The following ATP5IF1 variants were observed in gnomAD, a reference collection of about 807,000 sequenced individuals.
ATP5IF1 encodes ATPase inhibitor, mitochondrial.
In ATP5IF1, 12 loss-of-function variants were observed where a neutral mutation model predicts 8.5. The ratio of observed to expected loss-of-function variants is 1.41; its 90% CI spans 0.90 to 2.28. ATP5IF1 has a LOEUF of 2.28. Among genes scored for constraint, ATP5IF1 ranks in the 30% most tolerant of loss-of-function variants. The pLI is 0.00. For synonymous variants in ATP5IF1, 51 were observed against 53.4 expected (o/e 0.96, Z 0.19); for missense variants, 154 against 140.2 (o/e 1.10, Z -0.50).
Position 28,236,282 on chromosome 1 carries a change from C to T in ATP5IF1, c.87+12C>T. ...TCGGCTCGGATCAGGTACGCTGCGG[C>T]AGTGTCCGCTGCTCCAGCCCCGCGG... On this transcript the variant is annotated intron_variant, in intron 1 of 2. Coordinates refer to ENST00000335514, the MANE Select transcript of ATP5IF1 (RefSeq NM_016311.5). 1.9e-6 allele frequency: 3 copies of T among 1,614,180 alleles called. No individual in the cohort carries two copies. The highest frequency in any genetic ancestry group is 1.7e-5 in the Admixed American group (1 of 60,024).
At position 28,236,228 on chromosome 1, in the gene ATP5IF1, G is replaced by A. The variant is rs765889493; in HGVS notation, c.45G>A (p.Trp15Ter). 1.9e-6 allele frequency: 3 copies of A among 1,613,902 alleles called. No homozygotes were observed. In the South Asian group the frequency reaches 3.3e-5, roughly 18 times the overall value. ...ALAARTWLGV[W>*]GVRTMQARGF... The stretch of plus-strand genomic sequence containing the variant: ...CGGCGCGGACGTGGCTTGGCGTGTG[G>A]GGCGTGAGGACCATGCAAGCCCGAG... Residue 15 changes from tryptophan to a stop codon, truncating the protein, a stop_gained, in exon 1 of 3, where the codon TGG (tryptophan) becomes TGA (stop). Transcript: ENST00000335514. LOFTEE classifies it high-confidence loss of function.
rs1341421435 is a variant in ATP5IF1 at position 28,236,381 on chromosome 1, C to A, written c.108C>A (p.Gly36=). ...GSDQSENVDR[G]AGSIREAGGA... ...TGCAGTCCGAGAATGTCGACCGGGG[C>A]GCGGGCTCCATCCGGGAAGCCGGTG... Residue 36 remains glycine (G), a synonymous_variant, in exon 2 of 3, where the codon GGC becomes GGA. Coordinates refer to ENST00000335514, the MANE Select transcript of ATP5IF1 (RefSeq NM_016311.5). 3.7e-6 allele frequency: 6 copies of A among 1,614,224 alleles called. No individual in the cohort carries two copies. The highest frequency in any genetic ancestry group is 5.1e-6 in the Non-Finnish European group (6 of 1,180,036).
At chr1:28,237,763 A>G (rs1185008493) in intron 2 of ATP5IF1, 74 bp from the exon 3 acceptor site, 1 of 1,614,140 alleles carries the variant, frequency 6.2e-7, no homozygotes, top group East Asian at 2.2e-5. Context: ...TTGCTTAGAC[A>G]TTACAGGTTA....
At position 28,236,378 on chromosome 1, in the gene ATP5IF1, G is replaced by C. The variant is rs748048052; in HGVS notation, c.105G>C (p.Arg35=). ...FGSDQSENVD[R]GAGSIREAGG... ...CTCTGCAGTCCGAGAATGTCGACCG[G>C]GGCGCGGGCTCCATCCGGGAAGCCG... The change falls in exon 2 of 3, where the codon CGG becomes CGC. Residue 35 remains arginine, a synonymous_variant. Transcript: ENST00000335514. The C allele has an allele frequency of 6.2e-7, 1 of 1,614,228 alleles. No homozygotes were observed. Among genetic ancestry groups the C allele is most frequent in the Admixed American group, 1.7e-5 (1 of 60,034 alleles).
intron 2 of ATP5IF1, 179 bp downstream of exon 2, chr1:28,236,631 A>C: frequency 6.6e-7 from 1 of 1,514,484 alleles, no homozygotes; most frequent in Non-Finnish European, 8.8e-7. Context: ...TGCCACGTAT[A>C]GGGCACTCCC....
In ATP5IF1 at chr1:28,236,421, A is replaced by G. The variant is rs1172470953; in HGVS notation, c.148A>G (p.Arg50Gly). ...IREAGGAFGK[R>G]EQAEEERYFR... ...GGAAGCCGGTGGGGCCTTCGGAAAG[A>G]GAGAGCAGGCTGAAGAGGAACGATA... The change falls in exon 2 of 3, where the codon AGA becomes GGA. Residue 50 changes from arginine (R) to glycine (G), a missense_variant. Arg to Gly is a moderately radical substitution (Grantham distance 125). Transcript: ENST00000335514. The G allele has an allele frequency of 1.2e-6, 2 of 1,614,234 alleles. No homozygotes were observed. The highest frequency in any genetic ancestry group is 3.3e-5 in the Admixed American group (2 of 60,022).
intron 2 of ATP5IF1, chr1:28,237,326 C>A: frequency 9.9e-7 from 1 of 1,007,072 alleles, no homozygotes; most frequent in Middle Eastern, 5.1e-4. Flanking sequence ...GTGACCAAAC[C>A]AACATTGTAA....
At chr1:28,236,801 C>T (rs1647041090) in intron 2 of ATP5IF1, 19 of 1,218,466 alleles carry the variant, frequency 1.6e-5, no homozygotes, top group East Asian at 5.0e-5. Flanking sequence ...GTGTCTAGAT[C>T]CGACCGCCCA....
In ATP5IF1 at chr1:28,236,203, C is replaced by T. The variant is rs75742534; in HGVS notation, c.20C>T (p.Ala7Val). ...GCAGCAATGGCAGTGACGGCGTTGG[C>T]GGCGCGGACGTGGCTTGGCGTGTGG... is the stretch of plus-strand genomic sequence containing the variant. MAVTALAARTWLGVWGV... is the reference protein window; with the variant it reads MAVTALVARTWLGVWGV... Residue 7 changes from alanine (A) to valine (V), a missense_variant, in exon 1 of 3, where the codon GCG becomes GTG. Coordinates refer to ENST00000335514, the MANE Select transcript of ATP5IF1 (RefSeq NM_016311.5). 6.2e-7 allele frequency: 1 copy of T among 1,613,420 alleles called. No homozygotes were observed. The highest frequency in any genetic ancestry group is 1.7e-5 in the Admixed American group (1 of 59,988).
In ATP5IF1 at chr1:28,236,355, C is replaced by A. The variant is rs757499538; in HGVS notation, c.88-6C>A. 1.9e-6 allele frequency: 3 copies of A among 1,614,244 alleles called. No homozygotes were observed. The highest frequency in any genetic ancestry group is 3.3e-5 in the Admixed American group (2 of 60,034). ...TACCTTTACCAGTGTCCCTGTCTCT[C>A]TGCAGTCCGAGAATGTCGACCGGGG... On this transcript the variant is annotated splice_polypyrimidine_tract_variant and splice_region_variant and intron_variant, in intron 1 of 2. Coordinates refer to ENST00000335514, the MANE Select transcript of ATP5IF1 (RefSeq NM_016311.5).
Position 28,236,363 on chromosome 1 carries a change from CGA to C in ATP5IF1, c.93_94del (p.Asn32CysfsTer22). The C allele has an allele frequency of 1.9e-6, 3 of 1,614,222 alleles. No homozygotes were observed. The highest frequency in any genetic ancestry group is 2.5e-6 in the Non-Finnish European group (3 of 1,180,044). On this transcript the variant is annotated frameshift_variant, in exon 2 of 3. Coordinates refer to ENST00000335514, the MANE Select transcript of ATP5IF1 (RefSeq NM_016311.5). LOFTEE classifies it high-confidence loss of function. Reference sequence around the variant, plus strand: ...CCAGTGTCCCTGTCTCTCTGCAGTCCGAGAATGTCGACCGGGGCGCGGGCTCC... The same window carrying C: ...CCAGTGTCCCTGTCTCTCTGCAGTCCGAATGTCGACCGGGGCGCGGGCTCC... ...QARGFGSDQS[E>X]NVDRGAGSIR...
intron 2 of ATP5IF1, chr1:28,236,850 A>C (rs922936733): frequency 2.7e-5 from 31 of 1,156,666 alleles, no homozygotes; most frequent in Non-Finnish European, 3.2e-5. Flanking sequence ...GCCCTTACCC[A>C]CCTGTCACCC....
At position 28,236,647 on chromosome 1, in the gene ATP5IF1, C is replaced by T. The variant is rs76250453; in HGVS notation, c.179+195C>T. 1.1e-3 allele frequency: 1,651 copies of T among 1,491,726 alleles called. 17 individuals are homozygous for T. The African/African-American group carries it at 0.02, about 18-fold the overall frequency. The allele number at this position is 1,491,726 out of a possible 1,614,324, so 92.4% of individuals were successfully genotyped here. A position where few individuals can be genotyped will look rare whatever the true frequency, so the allele number is the denominator to read the frequency against. On this transcript the variant is annotated intron_variant, in intron 2 of 2. Transcript: ENST00000335514. ...GCCACGTATAGGGCACTCCCAGTTA[C>T]CTGCACAACAGTTTCAGGCCCCCAA... is the stretch of plus-strand genomic sequence containing the variant.
chr1:28,236,200 T>C lies in ATP5IF1; in HGVS notation c.17T>C (p.Leu6Ser), dbSNP rs139508352. 8 of 1,613,516 alleles carry C rather than the reference T, an allele frequency of 5.0e-6. No individual in the cohort carries two copies. The African/African-American group carries it at 9.3e-5, about 19-fold the overall frequency. MAVTA[L>S]AARTWLGVWG... ...CCAGCAGCAATGGCAGTGACGGCGT[T>C]GGCGGCGCGGACGTGGCTTGGCGTG... The change falls in exon 1 of 3, where the codon TTG (leucine) becomes TCG (serine). Residue 6 changes from leucine to serine, a missense_variant. Physicochemically the swap from Leu to Ser is moderately radical, Grantham distance 145. Coordinates refer to ENST00000335514, the MANE Select transcript of ATP5IF1 (RefSeq NM_016311.5).
At chr1:28,237,624 T>C (rs1647049957) in intron 2 of ATP5IF1, 3 of 1,474,112 alleles carry the variant, frequency 2.0e-6, no homozygotes, top group South Asian at 1.4e-5. Context: ...AAGAGGAATC[T>C]GAAAGCAATA....
chr1:28,236,133 C>T lies in ATP5IF1; in HGVS notation c.-51C>T, dbSNP rs747486253. ...GGCCGTCCCTGCCATTAGCGCGTAA[C>T]GAGAGACTGCTTGCTGCGGCAGAGA... On this transcript the variant is annotated 5_prime_UTR_variant, in exon 1 of 3. The change creates a new upstream start codon in the 5' untranslated region. Transcript: ENST00000335514. The T allele has an allele frequency of 1.9e-6, 3 of 1,601,072 alleles. No individual in the cohort carries two copies. The highest frequency in any genetic ancestry group is 2.5e-6 in the Non-Finnish European group (3 of 1,176,860).
At chr1:28,237,748 A>G in intron 2 of ATP5IF1, 89 bp from the exon 3 acceptor site, 1 of 1,613,986 alleles carries the variant, frequency 6.2e-7, no homozygotes. Flanking sequence ...TGGAACTCCT[A>G]TTCCTTGCTT....
At chr1:28,237,341 G>C in intron 2 of ATP5IF1, 1 of 1,015,054 alleles carries the variant, frequency 9.9e-7, no homozygotes, top group Non-Finnish European at 1.2e-6. Flanking sequence ...TTGTAATCCA[G>C]TCCCTTCTTG....
rs1647048348 is a variant in ATP5IF1, at chr1:28,237,439, A to G, written c.180-398A>G. 2.6e-6 allele frequency: 3 copies of G among 1,149,494 alleles called. No individual in the cohort carries two copies. In the Admixed American group the frequency reaches 1.3e-4, roughly 51 times the overall value. The allele number at this position is 1,149,494 out of a possible 1,614,324, so 71.2% of individuals were successfully genotyped here. ...GCCATTCATTTCTATAGGCAAAGAA[A>G]GCTCTAGACAGATTGGAATAGGAAA... On this transcript the variant is annotated intron_variant, in intron 2 of 2. Transcript: ENST00000335514.
Sources: gnomAD v4.1 joint callset for allele counts on GRCh38, gnomAD v4.1.1 for gene constraint, MANE v1.5 for transcripts, NCBI Gene and HGNC (gene_info 2026-07-23, HGNC 2026-07-21) for gene names.